FAM117B: variants seen among roughly 807,000 people sequenced by gnomAD.
The protein encoded by FAM117B is protein FAM117B.
A neutral mutation model predicts 52.8 loss-of-function variants in FAM117B; 22 were observed. The observed-to-expected ratio is 0.42, with a 90% confidence interval of 0.30 to 0.59. The LOEUF is 0.59. Ranked by LOEUF, FAM117B falls within the 20% of genes least tolerant of loss-of-function variation. The pLI, the probability that FAM117B is intolerant of heterozygous loss-of-function variation, is 0.22. For synonymous variants in FAM117B, 309 were observed against 324.1 expected, an observed-to-expected ratio of 0.95 and a Z score of 0.50; for missense variants, 678 against 802.6, an observed-to-expected ratio of 0.84 and a Z score of 1.88.
intron 4 of FAM117B, among the ~76,000 whole-genome samples, chr2:202,745,417 G>A (rs891741606): frequency 6.6e-6 from 1 of 152,114 alleles, no homozygotes; most frequent in African/African-American, 2.4e-5. Flanking sequence ...CTACCATCAT[G>A]AAAACACACA....
chr2:202,697,445 T>A (rs1690729260), intron 2 of FAM117B, among the ~76,000 whole-genome samples: 1 of 152,188 alleles, frequency 6.6e-6, no homozygotes, highest in African/African-American at 2.4e-5. Flanking sequence ...TTTAAAAGAT[T>A]TTTTATACTG....
In FAM117B at chr2:202,703,102, G is replaced by A. The variant is rs547862921; in HGVS notation, c.753+7070G>A. On this transcript the variant is annotated intron_variant, in intron 2 of 7. Coordinates refer to ENST00000392238, the MANE Select transcript of FAM117B (RefSeq NM_173511.4). Reference sequence around the variant, plus strand: ...GCATTAATTACATTCACAATGTTGTGCAACCATTGCTAACTATTTCCAAAA... The same window carrying A: ...GCATTAATTACATTCACAATGTTGTACAACCATTGCTAACTATTTCCAAAA... Among the ~76,000 whole-genome samples the A allele has an allele frequency of 1.8e-3, 269 of 152,210 alleles. 1 individual carries two copies. Among genetic ancestry groups the A allele is most frequent in the African/African-American group, 6.4e-3 (264 of 41,530 alleles).
intron 4 of FAM117B, among the ~76,000 whole-genome samples, chr2:202,739,146 G>A (rs1262210266): frequency 1.3e-5 from 2 of 152,138 alleles, no homozygotes; most frequent in East Asian, 3.8e-4. Flanking sequence ...CTGAGATCAT[G>A]CTGCTGCACT....
At chr2:202,751,696 C>T (rs1164192931) in intron 4 of FAM117B, among the ~76,000 whole-genome samples, 2 of 149,750 alleles carry the variant, frequency 1.3e-5, no homozygotes, top group African/African-American at 2.5e-5. Flanking sequence ...CACTTGAACC[C>T]GGGAGGCTGT....
At position 202,684,216 on chromosome 2, in the gene FAM117B, T is replaced by C. The variant is rs138543720; in HGVS notation, c.602-11665T>C. On this transcript the variant is annotated intron_variant, in intron 1 of 7. Coordinates refer to ENST00000392238, the MANE Select transcript of FAM117B (RefSeq NM_173511.4). ...CAAGTTGAATCCAGCAGTATAAATA[T>C]AATGATGATACATCATGACCAGGTA... Among the ~76,000 whole-genome samples, 31 of 152,290 alleles carry C rather than the reference T, an allele frequency of 2.0e-4. No homozygotes were observed. The East Asian group carries it at 6.0e-3, about 29-fold the overall frequency.
At chr2:202,724,597 TTA>T (rs796493239) in intron 2 of FAM117B, among the ~76,000 whole-genome samples, 16 of 152,292 alleles carry the variant, frequency 1.1e-4, no homozygotes, top group African/African-American at 3.6e-4. Context: ...TTATTAGCTA[TTA>T]TATGTTAGTT....
chr2:202,742,385 T>C (rs1301723141), intron 4 of FAM117B, among the ~76,000 whole-genome samples: 2 of 152,166 alleles, frequency 1.3e-5, no homozygotes, highest in Non-Finnish European at 2.9e-5. Context: ...AGCCCAAAAA[T>C]TGACTCAAGT....
At chr2:202,689,656 G>A (rs372175480) in intron 1 of FAM117B, among the ~76,000 whole-genome samples, 3 of 151,650 alleles carry the variant, frequency 2.0e-5, no homozygotes, top group African/African-American at 4.8e-5. Context: ...AGTGACTCAC[G>A]CCTGTAATCC....
At chr2:202,748,695 C>G (rs1691675716) in intron 4 of FAM117B, among the ~76,000 whole-genome samples, 1 of 152,062 alleles carries the variant, frequency 6.6e-6, no homozygotes, top group Non-Finnish European at 1.5e-5. Context: ...AAATGGCCAA[C>G]AAATATATAT....
chr2:202,673,347 T>G (rs575812066), intron 1 of FAM117B, among the ~76,000 whole-genome samples: 2 of 151,714 alleles, frequency 1.3e-5, no homozygotes, highest in East Asian at 3.9e-4. Flanking sequence ...AAGTAGTTCC[T>G]CTTACTGTTT....
chr2:202,663,550 A>G (rs1690161303), intron 1 of FAM117B, among the ~76,000 whole-genome samples: 1 of 148,374 alleles, frequency 6.7e-6, no homozygotes, highest in Non-Finnish European at 1.5e-5. Context: ...TCATTACATC[A>G]TTCACATTCG....
rs1200567430 is a variant in FAM117B, at chr2:202,765,939, A to C, written c.*175A>C. 1 of 642,400 alleles carries C rather than the reference A, an allele frequency of 1.6e-6. No homozygotes were observed. Among genetic ancestry groups the C allele is most frequent in the Non-Finnish European group, 2.7e-6 (1 of 377,114 alleles). The allele number at this position is 642,400 out of a possible 1,614,324, so 39.8% of individuals were successfully genotyped here. On this transcript the variant is annotated 3_prime_UTR_variant, in exon 8 of 8. Coordinates refer to ENST00000392238, the MANE Select transcript of FAM117B (RefSeq NM_173511.4). The stretch of plus-strand genomic sequence containing the variant: ...CCGTGACGGCTCTGCCCCACTTGTG[A>C]ACGCCAACCCTCAGTGCTTAGCCTG...
At chr2:202,739,029 C>T (rs760223240) in intron 4 of FAM117B, among the ~76,000 whole-genome samples, 7 of 152,018 alleles carry the variant, frequency 4.6e-5, no homozygotes, top group Non-Finnish European at 1.0e-4. Flanking sequence ...TCTGTATTAA[C>T]AATACAAAAA....
At chr2:202,710,003 C>T (rs1350323402) in intron 2 of FAM117B, among the ~76,000 whole-genome samples, 1 of 152,100 alleles carries the variant, frequency 6.6e-6, no homozygotes, top group African/African-American at 2.4e-5. Flanking sequence ...ATCTTTATGC[C>T]AGTACTATAT....
At chr2:202,752,423 T>C (rs967690868) in intron 4 of FAM117B, among the ~76,000 whole-genome samples, 8 of 151,302 alleles carry the variant, frequency 5.3e-5, no homozygotes, top group African/African-American at 1.2e-4. Context: ...TTTCTTTTTT[T>C]TTTTTTTTTC....
At chr2:202,650,487 C>G (rs767264835) in intron 1 of FAM117B, among the ~76,000 whole-genome samples, 1 of 152,044 alleles carries the variant, frequency 6.6e-6, no homozygotes, top group Non-Finnish European at 1.5e-5. Context: ...TTAGGGTTAT[C>G]TAGAGGAACT....
chr2:202,751,830 T>C (rs1049114821), intron 4 of FAM117B, among the ~76,000 whole-genome samples: 6 of 149,670 alleles, frequency 4.0e-5, no homozygotes, highest in African/African-American at 1.5e-4. Context: ...GCACCAAAGA[T>C]CTGAGCTATG....
chr2:202,689,173 G>GC (rs1690586241), intron 1 of FAM117B, among the ~76,000 whole-genome samples: 1 of 152,182 alleles, frequency 6.6e-6, no homozygotes. Context: ...GGGCACAGTG[G>GC]CCCACACCTG....
intron 1 of FAM117B, 68 bp downstream of exon 1, chr2:202,635,856 A>G (rs1689676423): frequency 2.4e-5 from 32 of 1,332,078 alleles, no homozygotes; most frequent in East Asian, 2.3e-4. Flanking sequence ...GCGCGCTGCA[A>G]TCGCGCGGGG....
Sources: allele counts gnomAD v4.1 joint callset (sites outside exome capture counted in the v4.1 genomes callset), GRCh38; gene constraint gnomAD v4.1.1; transcripts MANE v1.5; gene names NCBI Gene and HGNC (gene_info 2026-07-23, HGNC 2026-07-21).